RHOBTB2: variants seen among roughly 807,000 people sequenced by gnomAD.
RHOBTB2 encodes rho-related BTB domain-containing protein 2.
RHOBTB2 carries 39 observed loss-of-function variants against 66.5 expected under a neutral mutation model. The observed-to-expected ratio is 0.59, with a 90% CI of 0.45 to 0.77. The LOEUF is 0.77. Among genes scored for constraint, RHOBTB2 ranks in the 30% least tolerant of loss-of-function variants. The probability of loss-of-function intolerance (pLI) is 0.00; values close to 1 mark genes in which losing one functional copy is unlikely to be tolerated. For synonymous variants in RHOBTB2, 390 were observed against 395.0 expected (o/e 0.99, Z 0.15); for missense variants, 755 against 999.1 (o/e 0.76, Z 3.29).
At position 23,006,952 on chromosome 8, in the gene RHOBTB2, C is replaced by T. The variant is rs1282689961; in HGVS notation, c.707C>T (p.Pro236Leu). The change falls in exon 5 of 10, where the codon CCC (proline) becomes CTC (leucine). Residue 236 changes from proline to leucine, a missense_variant. Physicochemically the swap from Pro to Leu is moderately conservative, Grantham distance 98. This residue lies in a region of RHOBTB2 where 247 missense variants were observed against 238.9 expected (regional missense o/e 1.03). Transcript: ENST00000251822. The surrounding 1 kb of genome is among the most constrained non-coding windows in gnomAD (Gnocchi z 6.1). ...CTGCTGCAGGCACCCTTCCTACCCC[C>T]CAAGCCACCGCCCCCGATCATCGTG... Reference protein sequence around the residue: ...RPLLQAPFLPPKPPPPIIVVP... With the variant: ...RPLLQAPFLPLKPPPPIIVVP... 1 of 1,612,382 alleles carries T rather than the reference C, an allele frequency of 6.2e-7. No homozygotes were observed. Among genetic ancestry groups the T allele is most frequent in the Non-Finnish European group, 8.5e-7 (1 of 1,180,000 alleles).
upstream of RHOBTB2, among the ~76,000 whole-genome samples, chr8:22,998,418 C>G (rs905639591): frequency 6.6e-6 from 1 of 152,080 alleles, no homozygotes; most frequent in African/African-American, 2.4e-5. Flanking sequence ...CCAGACTGAG[C>G]TGACTACTTA....
the RHOBTB2 span, among the ~76,000 whole-genome samples, chr8:22,964,941 C>T: frequency 2.0e-5 from 3 of 151,932 alleles, no homozygotes; most frequent in Admixed American, 6.6e-5. Context: ...CTCAGCTTCC[C>T]GAGTAGCTGG....
chr8:22,982,728 T>C (rs941591142), upstream of RHOBTB2, among the ~76,000 whole-genome samples: 2 of 152,236 alleles, frequency 1.3e-5, no homozygotes, highest in Admixed American at 1.3e-4. Context: ...CTTTCTCACA[T>C]ACTATCTTAT....
At chr8:22,960,001 T>TAA in the RHOBTB2 span, among the ~76,000 whole-genome samples, 39,892 of 104,422 alleles carry the variant, frequency 0.38, 8,389 homozygotes, top group African/African-American at 0.59. Context: ...CCATCTCTAC[T>TAA]AAAAAAAAAA....
At chr8:23,008,438 G>A (rs1459359363) in intron 6 of RHOBTB2, among the ~76,000 whole-genome samples, 1 of 152,174 alleles carries the variant, frequency 6.6e-6, no homozygotes, top group African/African-American at 2.4e-5. Flanking sequence ...CTTGTATGAA[G>A]TTGGAAGTAG....
upstream of RHOBTB2, among the ~76,000 whole-genome samples, chr8:22,985,680 T>C (rs1382467211): frequency 6.6e-6 from 1 of 152,226 alleles, no homozygotes; most frequent in African/African-American, 2.4e-5. Context: ...GAAGCATGCT[T>C]TTCCGGCATT....
At chr8:22,995,888 T>C (rs1208612616), upstream of RHOBTB2, 1 of 1,551,260 alleles carries the variant, frequency 6.4e-7, no homozygotes, top group Non-Finnish European at 8.7e-7. Flanking sequence ...GCGCGGTTAG[T>C]AGCCTGCAAA....
the RHOBTB2 span, among the ~76,000 whole-genome samples, chr8:22,965,758 A>G: frequency 7.2e-3 from 1,094 of 152,338 alleles, 12 homozygotes; most frequent in African/African-American, 0.025. Context: ...GCCTTTTACC[A>G]TATGTAAAAT....
At chr8:22,958,052 T>G in the RHOBTB2 span, among the ~76,000 whole-genome samples, 3 of 152,250 alleles carry the variant, frequency 2.0e-5, no homozygotes, top group African/African-American at 7.2e-5. Flanking sequence ...GGGCTTTTGT[T>G]ACATCCCAGT....
At chr8:23,005,512 A>G (rs1229748423) in intron 3 of RHOBTB2, 37 bp downstream of exon 3, 20 of 1,367,630 alleles carry the variant, frequency 1.5e-5, no homozygotes, top group Non-Finnish European at 2.1e-5. Context: ...GAGAACCAAC[A>G]GGGTGGGTTT....
At chr8:22,960,001 T>TAAAA in the RHOBTB2 span, among the ~76,000 whole-genome samples, 9 of 104,772 alleles carry the variant, frequency 8.6e-5, no homozygotes, top group South Asian at 6.6e-4. Context: ...CCATCTCTAC[T>TAAAA]AAAAAAAAAA....
At chr8:23,013,095 G>A (rs1029370526) in intron 7 of RHOBTB2, among the ~76,000 whole-genome samples, 1 of 151,850 alleles carries the variant, frequency 6.6e-6, no homozygotes, top group Non-Finnish European at 1.5e-5. Context: ...CACCACACCC[G>A]GCCTAATTTT....
At chr8:22,979,825 G>A in the RHOBTB2 span, among the ~76,000 whole-genome samples, 7 of 137,072 alleles carry the variant, frequency 5.1e-5, no homozygotes, top group African/African-American at 1.1e-4. Flanking sequence ...TGGAGCGATC[G>A]CAGCTCACTG....
At chr8:22,993,348 G>A (rs906109801) in intron 2 of RHOBTB2, among the ~76,000 whole-genome samples, 4 of 152,048 alleles carry the variant, frequency 2.6e-5, no homozygotes, top group Non-Finnish European at 4.4e-5. Flanking sequence ...TTTGATCTTG[G>A]GGGATTAGGC....
upstream of RHOBTB2, among the ~76,000 whole-genome samples, chr8:22,996,499 GTGTGTGTGTGTGTGTGTGTGT>G: frequency 4.3e-3 from 3 of 696 alleles, no homozygotes; most frequent in South Asian, 0.062. Context: ...GAGGGCTGGT[GTGTGTGTGTGTGTGTGTGTGT>G]GTGTGTGTGT....
rs143455897 is a variant in RHOBTB2, at chr8:23,014,889, C to T, written c.1860+111C>T. The T allele has an allele frequency of 3.4e-3, 2,891 of 844,348 alleles. 9 individuals are homozygous for T. Among genetic ancestry groups the T allele is most frequent in the Non-Finnish European group, 4.7e-3 (2,402 of 512,328 alleles). 52.3% of individuals were successfully genotyped at this position (844,348 alleles called of 1,614,324 possible). Reference sequence around the variant, plus strand: ...TGGTCTATGCGGGAGAACCTGTCATCGGACTGGGCTCTTTGACTGCGCGTA... The same window carrying T: ...TGGTCTATGCGGGAGAACCTGTCATTGGACTGGGCTCTTTGACTGCGCGTA... On this transcript the variant is annotated intron_variant, in intron 8 of 9. Transcript: ENST00000251822.
At chr8:23,010,033 G>A (rs1811090193) in intron 6 of RHOBTB2, among the ~76,000 whole-genome samples, 6 of 152,224 alleles carry the variant, frequency 3.9e-5, no homozygotes. Flanking sequence ...TCCCACTTCT[G>A]TTCTGTGCAG....
the RHOBTB2 span, among the ~76,000 whole-genome samples, chr8:22,955,918 G>C: frequency 7.9e-5 from 12 of 152,218 alleles, no homozygotes; most frequent in African/African-American, 2.9e-4. Context: ...AGAGGATATG[G>C]AAGGATGCCA....
the RHOBTB2 span, among the ~76,000 whole-genome samples, chr8:22,969,038 C>T: frequency 4.5e-4 from 68 of 152,234 alleles, no homozygotes; most frequent in South Asian, 3.3e-3. Context: ...AACACATACC[C>T]GAGACTGGGT....
Sources: allele counts gnomAD v4.1 joint callset (sites outside exome capture counted in the v4.1 genomes callset), GRCh38; gene constraint gnomAD v4.1.1; regional missense constraint gnomAD v4.1.1; non-coding constraint Gnocchi (gnomAD v3.1); transcripts MANE v1.5; gene names NCBI Gene and HGNC (gene_info 2026-07-23, HGNC 2026-07-21).